Variants in TCF19 observed in about 807,000 individuals in gnomAD.
The protein encoded by TCF19 is transcription factor 19.
TCF19 carries 9 observed loss-of-function variants against 18.3 expected under a neutral mutation model. The observed-to-expected ratio is 0.49, with a 90% CI of 0.30 to 0.86. The LOEUF (loss-of-function observed/expected upper bound fraction) is 0.86, where lower values mean the gene tolerates loss of function less well. TCF19 is among the 40% of genes least tolerant of loss of function. TCF19 has a pLI of 0.07. For missense variants in TCF19, 376 were observed against 464.3 expected (o/e 0.81, Z 1.75); for synonymous variants, 176 against 185.3 (o/e 0.95, Z 0.41).
rs1776981117 is a variant in TCF19, at chr6:31,163,901, AG to A, written c.*1185del. The A allele has an allele frequency of 1.0e-6, 1 of 985,402 alleles. No homozygotes were observed. The highest frequency in any genetic ancestry group is 4.7e-5 in the South Asian group (1 of 21,294). The allele number at this position is 985,402 out of a possible 1,614,324, so 61.0% of individuals were successfully genotyped here. A position where few individuals can be genotyped will look rare whatever the true frequency, so the allele number is the denominator to read the frequency against. Reference sequence around the variant, plus strand: ...GTGGCAGAGCCAGGAATAAAACTTGAGTAACTAATGAGTCACTTATGGGCAG... The same window carrying A: ...GTGGCAGAGCCAGGAATAAAACTTGATAACTAATGAGTCACTTATGGGCAG... On this transcript the variant is annotated 3_prime_UTR_variant, in exon 4 of 4. Transcript: ENST00000376257.
At chr6:31,161,401 TTC>T (rs1297762191) in intron 2 of TCF19, 44 bp from the exon 3 acceptor site, 3 of 1,344,068 alleles carry the variant, frequency 2.2e-6, no homozygotes, top group Non-Finnish European at 2.9e-6. Context: ...CTCTGGTCAT[TTC>T]TGTTTTTGTC....
rs1328605849 is a variant in TCF19, at chr6:31,163,992, T to C, written c.*1275T>C. On this transcript the variant is annotated 3_prime_UTR_variant, in exon 4 of 4. Transcript: ENST00000376257. ...GTATCAAGAAAGCACAAAGTATTAA[T>C]AGAAGTTTCTGGTTGGGGTGATCTA... is the stretch of plus-strand genomic sequence containing the variant. The C allele has an allele frequency of 1.0e-6, 1 of 990,022 alleles. No individual in the cohort carries two copies. Among genetic ancestry groups the C allele is most frequent in the African/African-American group, 1.7e-5 (1 of 57,278 alleles). The allele number at this position is 990,022 out of a possible 1,614,324, so 61.3% of individuals were successfully genotyped here.
At position 31,159,476 on chromosome 6, in the gene TCF19, C is replaced by T. The variant is rs565850915; in HGVS notation, c.7C>T (p.Pro3Ser). The T allele has an allele frequency of 6.4e-7, 1 of 1,570,010 alleles. No individual in the cohort carries two copies. Among genetic ancestry groups the T allele is most frequent in the South Asian group, 1.2e-5 (1 of 86,276 alleles). ...TGCAGAGGGGGCACCGCCCATGCTG[C>T]CCTGCTTCCAACTGCTGCGCATAGG... The part of the protein sequence containing the change: ML[P>S]CFQLLRIGGG... The change falls in exon 2 of 4, where the codon CCC (proline) becomes TCC (serine). Residue 3 changes from proline to serine, a missense_variant. By Grantham distance (74) the Pro-to-Ser change is moderately conservative. Transcript: ENST00000376257.
chr6:31,164,015 C>A lies in TCF19; in HGVS notation c.*1298C>A, dbSNP rs1776990691. 11 of 993,190 alleles carry A rather than the reference C, an allele frequency of 1.1e-5. No homozygotes were observed. Among genetic ancestry groups the A allele is most frequent in the Non-Finnish European group, 1.3e-5 (11 of 834,576 alleles). The allele number at this position is 993,190 out of a possible 1,614,324, so 61.5% of individuals were successfully genotyped here. A position where few individuals can be genotyped will look rare whatever the true frequency, so the allele number is the denominator to read the frequency against. ...AATAGAAGTTTCTGGTTGGGGTGAT[C>A]TAGGTTCAACAGAAATAAGATGATT... On this transcript the variant is annotated 3_prime_UTR_variant, in exon 4 of 4. Coordinates refer to ENST00000376257, the MANE Select transcript of TCF19 (RefSeq NM_007109.3).
chr6:31,162,998 C>A lies in TCF19; in HGVS notation c.*281C>A. 1 of 1,329,586 alleles carries A rather than the reference C, an allele frequency of 7.5e-7. No homozygotes were observed. The highest frequency in any genetic ancestry group is 9.6e-7 in the Non-Finnish European group (1 of 1,042,298). 82.4% of individuals were successfully genotyped at this position (1,329,586 alleles called of 1,614,324 possible). On this transcript the variant is annotated 3_prime_UTR_variant, in exon 4 of 4. Coordinates refer to ENST00000376257, the MANE Select transcript of TCF19 (RefSeq NM_007109.3). This position sits in a 1 kb window ranked among gnomAD's most constrained non-coding sequence, Gnocchi z 4.5. ...CCATAAGGCCATGTTGCCATGGACA[C>A]CAGAATATCTGTAGTCAGAGCACCT...
chr6:31,161,767 C>A lies in TCF19; in HGVS notation c.559C>A (p.Pro187Thr), dbSNP rs1776796221. 1 of 1,602,114 alleles carries A rather than the reference C, an allele frequency of 6.2e-7. No individual in the cohort carries two copies. Among genetic ancestry groups the A allele is most frequent in the Non-Finnish European group, 8.5e-7 (1 of 1,174,024 alleles). Reference sequence around the variant, plus strand: ...CATAGGCAGCCTCAGCAAGCTCCGGCCCCAGCCCCTCACCTTCTCCCCTAG... The same window carrying A: ...CATAGGCAGCCTCAGCAAGCTCCGGACCCAGCCCCTCACCTTCTCCCCTAG... ...NSIGSLSKLR[P>T]QPLTFSPSWG... The change falls in exon 3 of 4, where the codon CCC becomes ACC. Residue 187 changes from proline (P) to threonine (T), a missense_variant. Pro to Thr is a conservative substitution (Grantham distance 38, BLOSUM62 -1). Transcript: ENST00000376257.
chr6:31,159,226 A>C lies in TCF19; in HGVS notation c.-244A>C. 1 of 514,602 alleles carries C rather than the reference A, an allele frequency of 1.9e-6. No homozygotes were observed. Among genetic ancestry groups the C allele is most frequent in the Non-Finnish European group, 3.5e-6 (1 of 289,246 alleles). 31.9% of individuals were successfully genotyped at this position (514,602 alleles called of 1,614,324 possible). On this transcript the variant is annotated 5_prime_UTR_variant, in exon 2 of 4. Transcript: ENST00000376257. The stretch of plus-strand genomic sequence containing the variant: ...GGACGTGTTCCTGAGTTTGCATTGC[A>C]CGGAGACCTTCCTGGAATTTTTCAT...
intron 2 of TCF19, among the ~76,000 whole-genome samples, chr6:31,160,077 G>A (rs1304570865): frequency 6.6e-6 from 1 of 152,218 alleles, no homozygotes; most frequent in East Asian, 1.9e-4. Flanking sequence ...ATCTGGGCAT[G>A]TCTTTCTCCG....
rs1554132715 is a variant in TCF19, at chr6:31,161,168, AG to A, written c.239-278del. Reference sequence around the variant, plus strand: ...AACTCCATCTCAAAAAAAAAAAAAAAGAAAGAAAGAAAAAAAAAGAAGAAAG... The same window carrying A: ...AACTCCATCTCAAAAAAAAAAAAAAAAAAGAAAGAAAAAAAAAGAAGAAAG... On this transcript the variant is annotated intron_variant, in intron 2 of 3. Coordinates refer to ENST00000376257, the MANE Select transcript of TCF19 (RefSeq NM_007109.3). 8.2e-3 allele frequency among the ~76,000 whole-genome samples: 267 copies of A among 32,374 alleles called. 2 individuals are homozygous for A. In the Middle Eastern group the frequency reaches 0.12, roughly 15 times the overall value. 21.2% of individuals were successfully genotyped at this position (32,374 alleles called of 152,430 possible). A position where few individuals can be genotyped will look rare whatever the true frequency, so the allele number is the denominator to read the frequency against.
In TCF19 at chr6:31,162,470, C is replaced by G; in HGVS notation, c.798-7C>G. ...GGTGACCCTTGTGTCTGTGTCACTT[C>G]CTTCAGAAATCGACGTGGCCGTCCT... On this transcript the variant is annotated splice_polypyrimidine_tract_variant and splice_region_variant and intron_variant, in intron 3 of 3. Transcript: ENST00000376257. This position sits in a 1 kb window ranked among gnomAD's most constrained non-coding sequence, Gnocchi z 4.5. 6.7e-7 allele frequency: 1 copy of G among 1,490,092 alleles called. No homozygotes were observed. Among genetic ancestry groups the G allele is most frequent in the South Asian group, 1.2e-5 (1 of 82,966 alleles). The allele number at this position is 1,490,092 out of a possible 1,614,324, so 92.3% of individuals were successfully genotyped here.
In TCF19 at chr6:31,161,922, T is replaced by C; in HGVS notation, c.714T>C (p.Ser238=). The C allele has an allele frequency of 1.2e-6, 2 of 1,612,846 alleles. No individual in the cohort carries two copies. Among genetic ancestry groups the C allele is most frequent in the Non-Finnish European group, 1.7e-6 (2 of 1,179,960 alleles). ...HRVLAELDDE[S]EPPENPPPVL... ...TGTTGGCGGAACTGGATGATGAGAG[T>C]GAGCCTCCTGAGAACCCGCCACCGG... Residue 238 remains serine, a synonymous_variant, in exon 3 of 4, where the codon AGT becomes AGC. Coordinates refer to ENST00000376257, the MANE Select transcript of TCF19 (RefSeq NM_007109.3).
At chr6:31,161,147 C>A (rs1776736694) in intron 2 of TCF19, among the ~76,000 whole-genome samples, 1 of 102,738 alleles carries the variant, frequency 9.7e-6, no homozygotes. Context: ...GAGCAAAACT[C>A]CATCTCAAAA....
rs1776971024 is a variant in TCF19, at chr6:31,163,810, G to T, written c.*1093G>T. The T allele has an allele frequency of 1.1e-6, 1 of 940,540 alleles. No homozygotes were observed. 58.3% of individuals were successfully genotyped at this position (940,540 alleles called of 1,614,324 possible). On this transcript the variant is annotated 3_prime_UTR_variant, in exon 4 of 4. Transcript: ENST00000376257. The stretch of plus-strand genomic sequence containing the variant: ...TGCCACACCCGCCCTTTCCTACCTA[G>T]ATTTAATGAGCCCAAGTTTTTAAAA...
In TCF19 at chr6:31,159,334, A is replaced by G; in HGVS notation, c.-136A>G. 2.5e-6 allele frequency: 2 copies of G among 813,776 alleles called. 1 individual carries two copies. Among genetic ancestry groups the G allele is most frequent in the South Asian group, 3.7e-5 (2 of 54,282 alleles). The allele number at this position is 813,776 out of a possible 1,614,324, so 50.4% of individuals were successfully genotyped here. On this transcript the variant is annotated 5_prime_UTR_variant, in exon 2 of 4. Transcript: ENST00000376257. ...TGGGCTATTCAGGTAGTGTGCTCAA[A>G]GTTGAAACCGCATACAGCACAACTC... is the stretch of plus-strand genomic sequence containing the variant.
chr6:31,160,592 GA>G (rs892908155), intron 2 of TCF19, among the ~76,000 whole-genome samples: 17 of 150,248 alleles, frequency 1.1e-4, no homozygotes, highest in Non-Finnish European at 1.5e-4. Context: ...CATCTGTGCT[GA>G]AAAAAAAATA....
At position 31,162,596 on chromosome 6, in the gene TCF19, C is replaced by T; in HGVS notation, c.917C>T (p.Ala306Val). ...CCCLPQEETV[A>V]WVQCDGCDVW... ...TGCCTGCCCCAGGAAGAGACAGTGG[C>T]CTGGGTTCAGTGTGATGGCTGTGAC... is the stretch of plus-strand genomic sequence containing the variant. Residue 306 changes from alanine (A) to valine (V), a missense_variant, in exon 4 of 4, where the codon GCC becomes GTC. Coordinates refer to ENST00000376257, the MANE Select transcript of TCF19 (RefSeq NM_007109.3). This position sits in a 1 kb window ranked among gnomAD's most constrained non-coding sequence, Gnocchi z 4.5. The T allele has an allele frequency of 6.2e-7, 1 of 1,612,944 alleles. No individual in the cohort carries two copies. The highest frequency in any genetic ancestry group is 8.5e-7 in the Non-Finnish European group (1 of 1,180,006).
Position 31,163,254 on chromosome 6 carries a change from CTCT to C in TCF19, c.*542_*544del. ...CGCTTCATTCACTCCTGGGCATTTA[CTCT>C]TCTTGTGGGTCTGTGATATTCCTTG... is the stretch of plus-strand genomic sequence containing the variant. On this transcript the variant is annotated 3_prime_UTR_variant, in exon 4 of 4. Coordinates refer to ENST00000376257, the MANE Select transcript of TCF19 (RefSeq NM_007109.3). 1 of 989,310 alleles carries C rather than the reference CTCT, an allele frequency of 1.0e-6. No individual in the cohort carries two copies. Among genetic ancestry groups the C allele is most frequent in the Non-Finnish European group, 1.2e-6 (1 of 832,228 alleles). 61.3% of individuals were successfully genotyped at this position (989,310 alleles called of 1,614,324 possible).
In TCF19 at chr6:31,162,342, A is replaced by G. The variant is rs1776839594; in HGVS notation, c.798-135A>G. 7.6e-7 allele frequency: 1 copy of G among 1,317,950 alleles called. No individual in the cohort carries two copies. The highest frequency in any genetic ancestry group is 1.0e-6 in the Non-Finnish European group (1 of 963,738). The allele number at this position is 1,317,950 out of a possible 1,614,324, so 81.6% of individuals were successfully genotyped here. A position where few individuals can be genotyped will look rare whatever the true frequency, so the allele number is the denominator to read the frequency against. On this transcript the variant is annotated intron_variant, in intron 3 of 3. Transcript: ENST00000376257. The surrounding 1 kb of genome is among the most constrained non-coding windows in gnomAD (Gnocchi z 4.5). The stretch of plus-strand genomic sequence containing the variant: ...GCCCACCCTATGTGTTTTTAAGGAC[A>G]GAGTCCAGGCTCACCTTAGTTCTCA...
Position 31,162,698 on chromosome 6 carries a change from G to A in TCF19, c.1019G>A (p.Arg340Gln), listed in dbSNP as rs775039485. 6.2e-6 allele frequency: 10 copies of A among 1,611,582 alleles called. No individual in the cohort carries two copies. Among genetic ancestry groups the A allele is most frequent in the African/African-American group, 1.3e-5 (1 of 74,992 alleles). The change falls in exon 4 of 4, where the codon CGG becomes CAG. Residue 340 changes from arginine to glutamine, a missense_variant. Transcript: ENST00000376257. This position sits in a 1 kb window ranked among gnomAD's most constrained non-coding sequence, Gnocchi z 4.5. Reference sequence around the variant, plus strand: ...GCCGACTTCCGATGCCCAGGGTGCCGGGCTGGCATTCAGACCTAAGGTCCA... The same window carrying A: ...GCCGACTTCCGATGCCCAGGGTGCCAGGCTGGCATTCAGACCTAAGGTCCA... ...READFRCPGCRAGIQT is the reference protein window; with the variant it reads ...READFRCPGCQAGIQT
Sources: gnomAD v4.1 joint callset for allele counts (sites outside exome capture counted in the v4.1 genomes callset) on GRCh38, gnomAD v4.1.1 for gene constraint, Gnocchi (gnomAD v3.1) non-coding constraint, MANE v1.5 for transcripts, NCBI Gene and HGNC (gene_info 2026-07-23, HGNC 2026-07-21) for gene names.